ACYP2: variants seen among roughly 807,000 people sequenced by gnomAD.
The protein encoded by ACYP2 is acylphosphatase 2.
ACYP2 carries 12 observed loss-of-function variants against 11.2 expected under a neutral mutation model. That is an observed-to-expected ratio of 1.08 (90% confidence interval 0.69 to 1.74). The LOEUF is 1.74. Ranked by LOEUF, ACYP2 falls within the 40% of genes most tolerant of loss-of-function variation. The probability of loss-of-function intolerance (pLI) is 0.00; values close to 1 mark genes in which losing one functional copy is unlikely to be tolerated. For missense variants in ACYP2, 134 were observed against 101.9 expected, an observed-to-expected ratio of 1.31 and a Z score of -1.35; for synonymous variants, 43 against 32.2, an observed-to-expected ratio of 1.33 and a Z score of -1.13.
intron 2 of ACYP2, among the ~76,000 whole-genome samples, chr2:53,995,298 A>G (rs1672516581): frequency 6.6e-6 from 1 of 152,170 alleles, no homozygotes; most frequent in African/African-American, 2.4e-5. Flanking sequence ...TTTAATCTCA[A>G]GTTACATCAG....
chr2:54,217,096 C>T (rs1685588077), intron 6 of ACYP2, among the ~76,000 whole-genome samples: 1 of 151,854 alleles, frequency 6.6e-6, no homozygotes, highest in African/African-American at 2.4e-5. Context: ...TCTCATTTTC[C>T]TTTCTTGACC....
At chr2:54,267,453 T>C in intron 6 of ACYP2, 1 of 1,262,392 alleles carries the variant, frequency 7.9e-7, no homozygotes, top group East Asian at 2.6e-5. Context: ...AATTGGGAGC[T>C]GGGGGAAGAG....
chr2:53,988,922 C>T (rs1672152365), intron 2 of ACYP2, among the ~76,000 whole-genome samples: 1 of 151,370 alleles, frequency 6.6e-6, no homozygotes, highest in Non-Finnish European at 1.5e-5. Flanking sequence ...ATTTTTATTG[C>T]ATTTTTAGTA....
chr2:54,095,671 C>T (rs1437309542), intron 4 of ACYP2, among the ~76,000 whole-genome samples: 1 of 132,774 alleles, frequency 7.5e-6, no homozygotes, highest in Admixed American at 7.3e-5. Context: ...CTGACCCCCC[C>T]ACCTCCCTCC....
Position 54,265,297 on chromosome 2 carries a change from A to AAG in ACYP2, c.405-39385_405-39384dup, listed in dbSNP as rs939812800. Among the ~76,000 whole-genome samples the AAG allele has an allele frequency of 4.6e-5, 7 of 152,306 alleles. No homozygotes were observed. The East Asian group carries it at 5.8e-4, about 13-fold the overall frequency. ...CATCTTACATGGATGGCAGCAGGCA[A>AAG]AGAGAGACAGCTTGTAAATGGAAAC... On this transcript the variant is annotated intron_variant, in intron 6 of 6. Transcript: ENST00000607452.
chr2:54,215,959 G>A (rs59242862), intron 6 of ACYP2, among the ~76,000 whole-genome samples: 4,291 of 152,202 alleles, frequency 0.028, 174 homozygotes, highest in African/African-American at 0.094. Flanking sequence ...TATGGTTTCT[G>A]CATTTGGGAT....
chr2:54,079,622 G>A (rs562256206), intron 4 of ACYP2, among the ~76,000 whole-genome samples: 1 of 152,264 alleles, frequency 6.6e-6, no homozygotes, highest in East Asian at 1.9e-4. Context: ...TGGAAATAAA[G>A]GAAATCCTTG....
intron 4 of ACYP2, among the ~76,000 whole-genome samples, chr2:54,113,739 T>G (rs369794136): frequency 6.6e-6 from 1 of 151,704 alleles, no homozygotes; most frequent in African/African-American, 2.4e-5. Flanking sequence ...CCAGATAGAG[T>G]AGACCCAAGA....
chr2:54,261,649 G>A (rs1687784208), intron 6 of ACYP2, among the ~76,000 whole-genome samples: 1 of 152,092 alleles, frequency 6.6e-6, no homozygotes, highest in Non-Finnish European at 1.5e-5. Flanking sequence ...GTTTTGAAAG[G>A]GATCCCTCTC....
chr2:54,108,422 C>A (rs1679283746), intron 4 of ACYP2, among the ~76,000 whole-genome samples: 2 of 152,232 alleles, frequency 1.3e-5, no homozygotes, highest in Non-Finnish European at 2.9e-5. Flanking sequence ...CTAGCCCAGA[C>A]CTGCGGGTAA....
At chr2:54,037,770 AGTGCTTT>A (rs1674991141) in intron 2 of ACYP2, among the ~76,000 whole-genome samples, 1 of 152,212 alleles carries the variant, frequency 6.6e-6, no homozygotes, top group African/African-American at 2.4e-5. Context: ...TCGAAATCAG[AGTGCTTT>A]TGAAACAAAT....
chr2:54,081,762 G>A (rs1677669555), intron 4 of ACYP2, among the ~76,000 whole-genome samples: 1 of 152,196 alleles, frequency 6.6e-6, no homozygotes, highest in African/African-American at 2.4e-5. Context: ...TCGGGTGGGT[G>A]GTTCTCCTGT....
intron 2 of ACYP2, among the ~76,000 whole-genome samples, chr2:54,043,072 G>T (rs536584744): frequency 1.1e-4 from 17 of 148,988 alleles, no homozygotes; most frequent in East Asian, 3.9e-4. Flanking sequence ...GTGTGTGTGG[G>T]GTGTGTGTGT....
intron 2 of ACYP2, among the ~76,000 whole-genome samples, chr2:53,986,621 A>G (rs566515303): frequency 3.2e-4 from 47 of 145,728 alleles, no homozygotes; most frequent in African/African-American, 1.2e-3. Context: ...TGAGCCACCA[A>G]ACCCGGCCTT....
chr2:53,996,285 A>G (rs1672570322), intron 2 of ACYP2, among the ~76,000 whole-genome samples: 1 of 152,180 alleles, frequency 6.6e-6, no homozygotes, highest in African/African-American at 2.4e-5. Context: ...ACACTGAAAT[A>G]AAGTTGGAAG....
At chr2:54,182,225 A>C (rs535386569) in intron 6 of ACYP2, among the ~76,000 whole-genome samples, 2 of 151,420 alleles carry the variant, frequency 1.3e-5, no homozygotes, top group Admixed American at 1.3e-4. Flanking sequence ...ACGTCAGTCT[A>C]ATTTTTGTAT....
chr2:54,079,269 T>C (rs1378592238), intron 4 of ACYP2, among the ~76,000 whole-genome samples: 1 of 152,202 alleles, frequency 6.6e-6, no homozygotes, highest in Non-Finnish European at 1.5e-5. Flanking sequence ...CTTTACTGTG[T>C]ACCAGCCAGG....
chr2:54,184,145 G>C lies in ACYP2; in HGVS notation c.404+45397G>C, dbSNP rs551378103. On this transcript the variant is annotated intron_variant, in intron 6 of 6. Coordinates refer to ENST00000607452, the MANE Select transcript of ACYP2 (RefSeq NM_001320586.2). ...CATTCCTACTTAGATCCTCCCAGTAGTTGGAAGCAGGGTCTGTCTCCAAGG... is the reference window on the plus strand; with the variant it reads ...CATTCCTACTTAGATCCTCCCAGTACTTGGAAGCAGGGTCTGTCTCCAAGG... Among the ~76,000 whole-genome samples, 4 of 152,156 alleles carry C rather than the reference G, an allele frequency of 2.6e-5. No homozygotes were observed. The East Asian group carries it at 7.7e-4, about 29-fold the overall frequency.
At chr2:54,177,013 A>G (rs1213165379) in intron 6 of ACYP2, among the ~76,000 whole-genome samples, 1 of 152,170 alleles carries the variant, frequency 6.6e-6, no homozygotes, top group Non-Finnish European at 1.5e-5. Flanking sequence ...CAAATCTCAG[A>G]ATCTTTGTGC....
Sources: gnomAD v4.1 joint callset for allele counts (sites outside exome capture counted in the v4.1 genomes callset) on GRCh38, gnomAD v4.1.1 for gene constraint, MANE v1.5 for transcripts, NCBI Gene and HGNC (gene_info 2026-07-23, HGNC 2026-07-21) for gene names.